The following NAV2 variants were observed in gnomAD, a reference collection of about 807,000 sequenced individuals.
NAV2 encodes the protein helicase, APC down-regulated 1.
Under a neutral mutation model 223.2 loss-of-function variants are expected in NAV2, and 54 were observed. The ratio of observed to expected loss-of-function variants is 0.24; its 90% CI spans 0.19 to 0.30. NAV2 has a LOEUF of 0.30. Among genes scored for constraint, NAV2 ranks in the 10% least tolerant of loss-of-function variants. The pLI, the probability that NAV2 is intolerant of heterozygous loss-of-function variation, is 1.00. For missense variants in NAV2, 2,806 were observed against 3,147.5 expected, an observed-to-expected ratio of 0.89 and a Z score of 2.60; for synonymous variants, 1,279 against 1,239.3, an observed-to-expected ratio of 1.03 and a Z score of -0.67.
At chr11:20,024,183 T>C (rs1564865880) in intron 11 of NAV2, among the ~76,000 whole-genome samples, 1 of 152,214 alleles carries the variant, frequency 6.6e-6, no homozygotes, top group Non-Finnish European at 1.5e-5. Flanking sequence ...CACAGGATGC[T>C]AGCAGCACAG....
chr11:19,932,579 A>G (rs779560903), intron 6 of NAV2, among the ~76,000 whole-genome samples: 19 of 152,172 alleles, frequency 1.2e-4, no homozygotes, highest in Admixed American at 7.9e-4. Context: ...TCGGCCTCCC[A>G]AAGTACTGGG....
intron 6 of NAV2, among the ~76,000 whole-genome samples, chr11:19,909,167 AG>A (rs2043114021): frequency 6.6e-6 from 1 of 152,186 alleles, no homozygotes; most frequent in Non-Finnish European, 1.5e-5. Context: ...GATAAAAAAA[AG>A]TATATTGATT....
At chr11:19,440,608 A>G (rs1183971998) in intron 1 of NAV2, among the ~76,000 whole-genome samples, 1 of 152,202 alleles carries the variant, frequency 6.6e-6, no homozygotes. Flanking sequence ...GGATGCTGAA[A>G]GTACTGACTG....
rs546574554 is a variant in NAV2 at position 20,062,098 on chromosome 11, A to G, written c.4832-209A>G. Among the ~76,000 whole-genome samples, 5 of 152,310 alleles carry G rather than the reference A, an allele frequency of 3.3e-5. 1 individual carries two copies. Among genetic ancestry groups the G allele is most frequent in the Admixed American group, 2.6e-4 (4 of 15,292 alleles). Reference sequence around the variant, plus strand: ...AAAAAGTATTCAGAAGGTTGAAGGGAAAAATGCGGTAATAGAAAAGTGACA... The same window carrying G: ...AAAAAGTATTCAGAAGGTTGAAGGGGAAAATGCGGTAATAGAAAAGTGACA... On this transcript the variant is annotated intron_variant, in intron 19 of 37. Coordinates refer to ENST00000349880, the MANE Select transcript of NAV2 (RefSeq NM_145117.5).
At chr11:19,932,066 C>G (rs1188669624) in intron 6 of NAV2, among the ~76,000 whole-genome samples, 1 of 151,900 alleles carries the variant, frequency 6.6e-6, no homozygotes, top group Admixed American at 6.6e-5. Flanking sequence ...TTGGAGCCTG[C>G]CCTCACTAGA....
intron 10 of NAV2, among the ~76,000 whole-genome samples, chr11:19,959,717 G>T (rs1646833308): frequency 6.6e-6 from 1 of 152,160 alleles, no homozygotes; most frequent in South Asian, 2.1e-4. Flanking sequence ...GCCCCAAAGG[G>T]TAAGAAGCTA....
In NAV2 at chr11:19,532,661, A is replaced by C. The variant is rs141481896; in HGVS notation, c.75+181634A>C. Among the ~76,000 whole-genome samples, 948 of 152,352 alleles carry C rather than the reference A, an allele frequency of 6.2e-3. 7 individuals are homozygous for C. Among genetic ancestry groups the C allele is most frequent in the Non-Finnish European group, 0.01 (700 of 68,034 alleles). On this transcript the variant is annotated intron_variant, in intron 1 of 37. Transcript: ENST00000360655. ...ACTCACGGTGGTGGAGCCAGGCTGC[A>C]GACTAGAGTATTTCAGGCCATTGGC...
At chr11:19,481,366 C>A (rs572864856) in intron 1 of NAV2, among the ~76,000 whole-genome samples, 1 of 152,074 alleles carries the variant, frequency 6.6e-6, no homozygotes, top group Non-Finnish European at 1.5e-5. Flanking sequence ...CTCAGTGACA[C>A]CCCAGGTGAG....
At chr11:19,892,216 C>T (rs2041562650) in intron 5 of NAV2, among the ~76,000 whole-genome samples, 1 of 152,230 alleles carries the variant, frequency 6.6e-6, no homozygotes, top group Non-Finnish European at 1.5e-5. Flanking sequence ...ATTTTTCTCT[C>T]TGCTCAAAGG....
intron 11 of NAV2, among the ~76,000 whole-genome samples, chr11:20,014,248 G>A (rs1007975025): frequency 6.6e-6 from 1 of 152,156 alleles, no homozygotes; most frequent in Non-Finnish European, 1.5e-5. Flanking sequence ...GGTAGACACA[G>A]TCAAGGATGT....
intron 11 of NAV2, among the ~76,000 whole-genome samples, chr11:20,005,065 G>A (rs1178577813): frequency 2.0e-5 from 3 of 151,974 alleles, no homozygotes; most frequent in Non-Finnish European, 2.9e-5. Flanking sequence ...GAGCAGGAAC[G>A]GAAGTGTCTT....
In NAV2 at chr11:19,984,899, AAGTGAGGAGTT is replaced by A. The variant is rs1182680839; in HGVS notation, c.2768+653_2768+663del. Among the ~76,000 whole-genome samples the A allele has an allele frequency of 4.6e-5, 7 of 152,340 alleles. No homozygotes were observed. In the East Asian group the frequency reaches 1.2e-3, roughly 25 times the overall value. On this transcript the variant is annotated intron_variant, in intron 11 of 37. Coordinates refer to ENST00000349880, the MANE Select transcript of NAV2 (RefSeq NM_145117.5). ...ATTCTATGACCCTGAGCAACCGATG[AAGTGAGGAGTT>A]TGGACTATATGATTTCTATGATCCC...
At chr11:19,848,795 G>A (rs2060952126) in intron 3 of NAV2, among the ~76,000 whole-genome samples, 1 of 152,162 alleles carries the variant, frequency 6.6e-6, no homozygotes, top group South Asian at 2.1e-4. Flanking sequence ...TCTGCTTTTG[G>A]GTGGGGGCTT....
intron 1 of NAV2, among the ~76,000 whole-genome samples, chr11:19,598,261 G>T (rs997678923): frequency 1.3e-5 from 2 of 152,188 alleles, no homozygotes; most frequent in East Asian, 3.9e-4. Flanking sequence ...AGAACCTGGG[G>T]GTGCCAGGGG....
chr11:19,346,484 G>A (rs546465885), upstream of NAV2, among the ~76,000 whole-genome samples: 7 of 152,354 alleles, frequency 4.6e-5, no homozygotes, highest in Non-Finnish European at 7.3e-5. Flanking sequence ...ACTGGGAGCC[G>A]CGGTGCCTCC....
chr11:19,621,711 T>A (rs1319566643), intron 1 of NAV2, among the ~76,000 whole-genome samples: 1 of 152,100 alleles, frequency 6.6e-6, no homozygotes. Flanking sequence ...AATCAGCTCC[T>A]GGATTCATTG....
intron 1 of NAV2, chr11:19,519,648 C>T (rs1590392546): frequency 6.6e-6 from 1 of 152,260 alleles, no homozygotes; most frequent in Non-Finnish European, 1.5e-5. Flanking sequence ...CTGCCCCTGC[C>T]TTGGTTTGAG....
chr11:19,933,234 C>T lies in NAV2; in HGVS notation c.990C>T (p.Ser330=). The part of the protein sequence containing the change: ...HPGMSDNAPA[S]LESGSSSTPT... Reference sequence around the variant, plus strand: ...GAATGAGTGACAATGCACCTGCTTCCTTGGAGAGCGGCAGCAGCTCCACCC... The same window carrying T: ...GAATGAGTGACAATGCACCTGCTTCTTTGGAGAGCGGCAGCAGCTCCACCC... The change falls in exon 7 of 38, where the codon TCC becomes TCT. Residue 330 remains serine (S), a synonymous_variant. Coordinates refer to ENST00000349880, the MANE Select transcript of NAV2 (RefSeq NM_145117.5). The surrounding 1 kb of genome is among the most constrained non-coding windows in gnomAD (Gnocchi z 4.3). 1 of 1,592,176 alleles carries T rather than the reference C, an allele frequency of 6.3e-7. No homozygotes were observed. The highest frequency in any genetic ancestry group is 8.6e-7 in the Non-Finnish European group (1 of 1,168,832).
chr11:19,418,517 G>A (rs549602361), intron 1 of NAV2, among the ~76,000 whole-genome samples: 24 of 152,310 alleles, frequency 1.6e-4, no homozygotes, highest in African/African-American at 4.6e-4. Flanking sequence ...GGAGATGAAG[G>A]ACAGGGAAAA....
Sources: gnomAD v4.1 joint callset for allele counts (sites outside exome capture counted in the v4.1 genomes callset) on GRCh38, gnomAD v4.1.1 for gene constraint, Gnocchi (gnomAD v3.1) non-coding constraint, MANE v1.5 for transcripts, NCBI Gene and HGNC (gene_info 2026-07-23, HGNC 2026-07-21) for gene names.